Variants in MYOM1 observed in about 807,000 individuals in gnomAD.
MYOM1 encodes myomesin 1.
Under a neutral mutation model 205.3 loss-of-function variants are expected in MYOM1, and 164 were observed. The observed-to-expected ratio is 0.80, with a 90% confidence interval of 0.70 to 0.91. MYOM1 has a LOEUF of 0.91. Among genes scored for constraint, MYOM1 ranks in the 40% least tolerant of loss-of-function variants. The probability of loss-of-function intolerance (pLI) is 0.00; values close to 1 mark genes in which losing one functional copy is unlikely to be tolerated. For missense variants in MYOM1, 2,011 were observed against 2,127.3 expected (o/e 0.95, Z 1.08); for synonymous variants, 772 against 789.4 (o/e 0.98, Z 0.37).
intron 20 of MYOM1, among the ~76,000 whole-genome samples, chr18:3,118,726 G>A (rs764643453): frequency 6.6e-6 from 1 of 152,144 alleles, no homozygotes; most frequent in Non-Finnish European, 1.5e-5. Context: ...CTCAGGAATT[G>A]CAAGAATTTG....
Position 3,135,583 on chromosome 18 carries a change from C to T in MYOM1, c.2173G>A (p.Glu725Lys). The T allele has an allele frequency of 1.2e-6, 2 of 1,613,834 alleles. No individual in the cohort carries two copies. The highest frequency in any genetic ancestry group is 1.3e-5 in the African/African-American group (1 of 75,002). ...SNSAGVGEPS[E>K]ATEVTVVGDK... ...CCTACCACAGTCACCTCCGTTGCCT[C>T]TGAGGGCTCACCAACTCCTGCAGAA... The change falls in exon 15 of 38, where the codon GAG (glutamate) becomes AAG (lysine). Residue 725 changes from glutamate to lysine, a missense_variant. By Grantham distance (56) the Glu-to-Lys change is moderately conservative (BLOSUM62 1). Transcript: ENST00000356443. The surrounding 1 kb of genome is among the most constrained non-coding windows in gnomAD (Gnocchi z 4.1).
intron 18 of MYOM1, among the ~76,000 whole-genome samples, chr18:3,127,110 C>T (rs2079798687): frequency 1.3e-5 from 2 of 151,748 alleles, no homozygotes; most frequent in Non-Finnish European, 2.9e-5. Flanking sequence ...TGAACCTGTC[C>T]TAGCAAAATG....
At chr18:3,173,849 A>C (rs944957298) in intron 8 of MYOM1, 89 bp downstream of exon 8, 2 of 1,125,172 alleles carry the variant, frequency 1.8e-6, no homozygotes, top group Non-Finnish European at 2.7e-6. Flanking sequence ...TGTTATATAT[A>C]GTATGCATTT....
At chr18:3,119,109 T>TTC (rs1006742671) in intron 20 of MYOM1, among the ~76,000 whole-genome samples, 1 of 152,088 alleles carries the variant, frequency 6.6e-6, no homozygotes, top group Non-Finnish European at 1.5e-5. Context: ...ACAAGCAAGG[T>TTC]AAGTTTCCCC....
intron 9 of MYOM1, 148 bp downstream of exon 9, chr18:3,168,669 T>C (rs750443968): frequency 1.2e-5 from 8 of 667,272 alleles, no homozygotes; most frequent in African/African-American, 1.9e-5. Flanking sequence ...AAAGTGTTGC[T>C]ACTTTGCTAC....
At chr18:3,174,316 C>G in intron 6 of MYOM1, 108 bp from the exon 7 acceptor site, 1 of 884,528 alleles carries the variant, frequency 1.1e-6, no homozygotes, top group South Asian at 1.6e-5. Context: ...AAATCAGTGG[C>G]TAACACATGG....
intron 37 of MYOM1, 110 bp downstream of exon 37, chr18:3,071,724 G>A (rs1319483756): frequency 8.6e-6 from 9 of 1,044,490 alleles, no homozygotes; most frequent in East Asian, 5.2e-5. Flanking sequence ...TATGGAGTAC[G>A]ATGAAGGTGG....
intron 13 of MYOM1, among the ~76,000 whole-genome samples, chr18:3,147,452 G>A (rs1314523501): frequency 6.6e-6 from 1 of 151,994 alleles, no homozygotes; most frequent in Admixed American, 6.6e-5. Flanking sequence ...ATCCCAGCAT[G>A]TTTTTTGTAG....
chr18:3,090,306 G>A (rs550244988), intron 27 of MYOM1, among the ~76,000 whole-genome samples: 1 of 144,342 alleles, frequency 6.9e-6, no homozygotes, highest in East Asian at 2.0e-4. Flanking sequence ...TGCAATCTCT[G>A]CTTCCCGGGT....
At chr18:3,150,979 C>CTTTTTT (rs1164882266) in intron 12 of MYOM1, among the ~76,000 whole-genome samples, 5 of 55,914 alleles carry the variant, frequency 8.9e-5, no homozygotes, top group African/African-American at 3.6e-4. Flanking sequence ...CCATGCCTGG[C>CTTTTTT]TTTTTTTTTT....
At chr18:3,172,523 T>C (rs1259170994) in intron 8 of MYOM1, among the ~76,000 whole-genome samples, 1 of 152,118 alleles carries the variant, frequency 6.6e-6, no homozygotes, top group East Asian at 1.9e-4. Context: ...ATTCTTTTTT[T>C]TTTTGAGATG....
At chr18:3,157,199 C>T (rs979087467) in intron 10 of MYOM1, among the ~76,000 whole-genome samples, 7 of 152,164 alleles carry the variant, frequency 4.6e-5, no homozygotes, top group South Asian at 2.1e-4. Flanking sequence ...GGCAGGAATA[C>T]GCTGTAATGG....
chr18:3,119,745 G>C, intron 20 of MYOM1, 124 bp downstream of exon 20: 1 of 1,227,934 alleles, frequency 8.1e-7, no homozygotes, highest in Middle Eastern at 3.0e-4. Flanking sequence ...GTAAACACAA[G>C]GGGCCAAGAG....
rs537547952 is a variant in MYOM1, at chr18:3,186,444, A to G, written c.929+1036T>C. On this transcript the variant is annotated intron_variant, in intron 5 of 37. Transcript: ENST00000356443. Reference sequence around the variant, plus strand: ...ACCTGCACCAGAGAGTAAAACTGAAATATCTTTTTTAATTGGCTCAATTAT... The same window carrying G: ...ACCTGCACCAGAGAGTAAAACTGAAGTATCTTTTTTAATTGGCTCAATTAT... Among the ~76,000 whole-genome samples the G allele has an allele frequency of 5.9e-5, 9 of 152,314 alleles. No homozygotes were observed. The South Asian group carries it at 6.2e-4, about 11-fold the overall frequency.
intron 2 of MYOM1, among the ~76,000 whole-genome samples, chr18:3,212,785 C>T (rs2081206496): frequency 6.6e-6 from 1 of 152,152 alleles, no homozygotes; most frequent in Non-Finnish European, 1.5e-5. Context: ...TTCAGGGAAA[C>T]AAATTGAGGC....
At chr18:3,112,010 G>T (rs748252055) in intron 22 of MYOM1, among the ~76,000 whole-genome samples, 5 of 152,180 alleles carry the variant, frequency 3.3e-5, no homozygotes, top group Non-Finnish European at 7.3e-5. Context: ...TTCCAGGAAT[G>T]AATGCTTGGA....
In MYOM1 at chr18:3,127,306, T is replaced by TATATATATATATATATATATATATA. The variant is rs1555620546; in HGVS notation, c.2795-410_2795-409insTATATATATATATATATATATATAT. 1.1e-4 allele frequency among the ~76,000 whole-genome samples: 4 copies of TATATATATATATATATATATATATA among 36,426 alleles called. 1 individual carries two copies. The highest frequency in any genetic ancestry group is 1.5e-4 in the Non-Finnish European group (3 of 20,288). 23.9% of individuals were successfully genotyped at this position (36,426 alleles called of 152,430 possible). ...CCATATATATATATATATATATATA[T>TATATATATATATATATATATATATA]TTTTTTTTTTTTTTTTTTTGAGCTG... On this transcript the variant is annotated intron_variant, in intron 18 of 37. Coordinates refer to ENST00000356443, the MANE Select transcript of MYOM1 (RefSeq NM_003803.4).
intron 18 of MYOM1, among the ~76,000 whole-genome samples, chr18:3,128,609 TTC>T (rs1476472219): frequency 1.3e-5 from 2 of 152,298 alleles, no homozygotes; most frequent in African/African-American, 4.8e-5. Context: ...AGCTGTTTTT[TTC>T]TTTTCTTTTT....
chr18:3,188,665 C>T, intron 4 of MYOM1, 83 bp downstream of exon 4: 1 of 1,222,074 alleles, frequency 8.2e-7, no homozygotes. Flanking sequence ...CAATCTATAT[C>T]TACACACACA....
Sources: allele counts gnomAD v4.1 joint callset (sites outside exome capture counted in the v4.1 genomes callset), GRCh38; gene constraint gnomAD v4.1.1; non-coding constraint Gnocchi (gnomAD v3.1); transcripts MANE v1.5; gene names NCBI Gene and HGNC (gene_info 2026-07-23, HGNC 2026-07-21).